Variants in SPPL3 observed in about 807,000 individuals in gnomAD.
SPPL3 encodes signal peptide peptidase-like 3.
In SPPL3, 5 loss-of-function variants were observed where a neutral mutation model predicts 42.4. The ratio of observed to expected loss-of-function variants is 0.12; its 90% CI spans 0.06 to 0.25. The LOEUF (loss-of-function observed/expected upper bound fraction) is 0.25. Among genes scored for constraint, SPPL3 ranks in the 10% least tolerant of loss-of-function variants. The pLI is 1.00. For synonymous variants in SPPL3, 195 were observed against 181.8 expected (o/e 1.07, Z -0.58); for missense variants, 235 against 489.0 (o/e 0.48, Z 4.90).
chr12:120,890,811 A>G (rs1342941654), intron 1 of SPPL3, among the ~76,000 whole-genome samples: 1 of 152,192 alleles, frequency 6.6e-6, no homozygotes, highest in Non-Finnish European at 1.5e-5. Flanking sequence ...ACACGGAGCG[A>G]AAAGTCAACA....
Position 120,903,918 on chromosome 12 carries a change from G to A in SPPL3, c.-51C>T. ...GCAGGCTGTGGCCGGGCCCGGCGGCGGCGGGCTCGCTCGGGCCGTAGCTGA... is the reference window on the plus strand; with the variant it reads ...GCAGGCTGTGGCCGGGCCCGGCGGCAGCGGGCTCGCTCGGGCCGTAGCTGA... On this transcript the variant is annotated 5_prime_UTR_variant, in exon 1 of 11. Transcript: ENST00000353487. The A allele has an allele frequency of 3.8e-6, 5 of 1,328,982 alleles. No homozygotes were observed. The highest frequency in any genetic ancestry group is 1.9e-5 in the South Asian group (1 of 51,536). 82.3% of individuals were successfully genotyped at this position (1,328,982 alleles called of 1,614,324 possible). A position where few individuals can be genotyped will look rare whatever the true frequency, so the allele number is the denominator to read the frequency against.
At chr12:120,793,869 C>T (rs575986389) in intron 2 of SPPL3, among the ~76,000 whole-genome samples, 4 of 152,266 alleles carry the variant, frequency 2.6e-5, no homozygotes, top group South Asian at 2.1e-4. Flanking sequence ...TGAGAAAGAG[C>T]GTGTGTTCTG....
In SPPL3 at chr12:120,800,328, C is replaced by G. The variant is rs151274144; in HGVS notation, c.102-8771G>C. ...GACCAGCCTGGACAACATGGTGAAA[C>G]CCCGTCTCTACTAAAAATACAAAAG... On this transcript the variant is annotated intron_variant, in intron 2 of 10. Coordinates refer to ENST00000353487, the MANE Select transcript of SPPL3 (RefSeq NM_139015.5). Among the ~76,000 whole-genome samples, 803 of 152,152 alleles carry G rather than the reference C, an allele frequency of 5.3e-3. 12 individuals are homozygous for G. Among genetic ancestry groups the G allele is most frequent in the East Asian group, 0.043 (220 of 5,172 alleles).
intron 6 of SPPL3, among the ~76,000 whole-genome samples, chr12:120,771,565 T>TTA (rs2136969122): frequency 6.6e-6 from 1 of 152,334 alleles, no homozygotes; most frequent in African/African-American, 2.4e-5. Context: ...TTCTTTTTTT[T>TTA]AAACATTCTC....
chr12:120,812,596 T>C (rs1014766618), intron 1 of SPPL3, among the ~76,000 whole-genome samples: 12 of 152,088 alleles, frequency 7.9e-5, no homozygotes, highest in African/African-American at 2.7e-4. Context: ...AAAGAGGACC[T>C]AGGATCAAGG....
intron 1 of SPPL3, among the ~76,000 whole-genome samples, chr12:120,823,209 T>G (rs1318025030): frequency 4.2e-3 from 20 of 4,754 alleles, no homozygotes; most frequent in Middle Eastern, 0.25. Flanking sequence ...AGTGTGTGTG[T>G]GGGGGTGGGG....
chr12:120,820,832 C>T (rs113231752), intron 1 of SPPL3, among the ~76,000 whole-genome samples: 5,412 of 152,150 alleles, frequency 0.036, 114 homozygotes, highest in South Asian at 0.066. Context: ...GTGGCTCACG[C>T]CTGTAATCCC....
At chr12:120,814,156 T>C (rs191432428) in intron 1 of SPPL3, among the ~76,000 whole-genome samples, 1 of 152,370 alleles carries the variant, frequency 6.6e-6, no homozygotes, top group East Asian at 1.9e-4. Context: ...TCCTTCTCTC[T>C]TCCCCCCACA....
At chr12:120,885,372 A>C (rs1873420544) in intron 1 of SPPL3, among the ~76,000 whole-genome samples, 1 of 152,210 alleles carries the variant, frequency 6.6e-6, no homozygotes, top group South Asian at 2.1e-4. Context: ...CAAACAAATC[A>C]GTGAACTCAC....
chr12:120,898,985 T>C (rs1200897909), intron 1 of SPPL3, among the ~76,000 whole-genome samples: 1 of 152,210 alleles, frequency 6.6e-6, no homozygotes, highest in Non-Finnish European at 1.5e-5. Flanking sequence ...TTTTGCTTCA[T>C]CAAGAGACGA....
At chr12:120,881,003 A>G (rs1019710432) in intron 1 of SPPL3, among the ~76,000 whole-genome samples, 2 of 151,970 alleles carry the variant, frequency 1.3e-5, no homozygotes, top group Non-Finnish European at 2.9e-5. Context: ...CAAAATCACA[A>G]TGAGATACCA....
intron 1 of SPPL3, among the ~76,000 whole-genome samples, chr12:120,890,503 C>T (rs1002511023): frequency 4.7e-5 from 7 of 149,066 alleles, no homozygotes; most frequent in Admixed American, 2.7e-4. Context: ...GCAGGAGAAT[C>T]GCTTGAATCT....
At chr12:120,862,598 T>C (rs1041100676) in intron 1 of SPPL3, among the ~76,000 whole-genome samples, 4 of 152,190 alleles carry the variant, frequency 2.6e-5, no homozygotes, top group Non-Finnish European at 5.9e-5. Context: ...ATAAAAGACA[T>C]GCACAGGGCA....
chr12:120,856,481 T>C (rs1872460960), intron 1 of SPPL3, among the ~76,000 whole-genome samples: 1 of 146,052 alleles, frequency 6.8e-6, no homozygotes, highest in African/African-American at 2.5e-5. Flanking sequence ...TGGCCACTGG[T>C]GTGGAGATGA....
chr12:120,866,213 T>A (rs1001173313), intron 1 of SPPL3, among the ~76,000 whole-genome samples: 4 of 152,076 alleles, frequency 2.6e-5, no homozygotes, highest in Admixed American at 2.6e-4. Context: ...CTCCCCCTCC[T>A]CCCCATCCAT....
chr12:120,843,875 T>C (rs1871924520), intron 1 of SPPL3, among the ~76,000 whole-genome samples: 3 of 152,116 alleles, frequency 2.0e-5, no homozygotes, highest in South Asian at 4.1e-4. Context: ...GGAGAATCGC[T>C]TGAACCCGGG....
intron 2 of SPPL3, among the ~76,000 whole-genome samples, chr12:120,792,696 CAAAAAAAA>C (rs57603403): frequency 2.8e-5 from 2 of 71,770 alleles, no homozygotes; most frequent in Non-Finnish European, 6.0e-5. Flanking sequence ...GAGACTGTCT[CAAAAAAAA>C]AAAAAAAAAA....
At chr12:120,815,961 C>T (rs189839391) in intron 1 of SPPL3, among the ~76,000 whole-genome samples, 32 of 152,178 alleles carry the variant, frequency 2.1e-4, no homozygotes, top group Non-Finnish European at 4.1e-4. Flanking sequence ...AACTCCTGAC[C>T]TCAGGTGATC....
At chr12:120,895,547 C>T (rs1465944876) in intron 1 of SPPL3, among the ~76,000 whole-genome samples, 2 of 152,062 alleles carry the variant, frequency 1.3e-5, no homozygotes, top group African/African-American at 4.8e-5. Context: ...TTTTATATAG[C>T]ATTATGTGGC....
Sources: allele counts gnomAD v4.1 joint callset (sites outside exome capture counted in the v4.1 genomes callset), GRCh38; gene constraint gnomAD v4.1.1; transcripts MANE v1.5; gene names NCBI Gene and HGNC (gene_info 2026-07-23, HGNC 2026-07-21).